Variants in CTNNA3 observed in about 807,000 individuals in gnomAD.
The protein encoded by CTNNA3 is catenin alpha 3, also known as catenin alpha-3.
CTNNA3 carries 76 observed loss-of-function variants against 95.7 expected under a neutral mutation model. That is an observed-to-expected ratio of 0.79 (90% CI 0.66 to 0.96). The LOEUF (loss-of-function observed/expected upper bound fraction) is 0.96. Ranked by LOEUF, CTNNA3 falls within the 40% of genes least tolerant of loss-of-function variation. The pLI is 0.00. For missense variants in CTNNA3, 1,191 were observed against 1,089.8 expected (o/e 1.09, Z -1.31); for synonymous variants, 431 against 374.4 (o/e 1.15, Z -1.74).
intron 12 of CTNNA3, among the ~76,000 whole-genome samples, chr10:66,354,051 G>A (rs2092588134): frequency 6.6e-6 from 1 of 152,130 alleles, no homozygotes; most frequent in East Asian, 1.9e-4. Flanking sequence ...GGGAAGCCAA[G>A]GCAGGCAGAT....
intron 10 of CTNNA3, among the ~76,000 whole-genome samples, chr10:66,600,981 T>C (rs1843901978): frequency 6.6e-6 from 1 of 151,924 alleles, no homozygotes; most frequent in African/African-American, 2.4e-5. Context: ...GTTCAAATCC[T>C]AAAGCATTTT....
chr10:66,269,453 AT>A (rs1315787420), intron 13 of CTNNA3, among the ~76,000 whole-genome samples: 2 of 152,148 alleles, frequency 1.3e-5, no homozygotes, highest in Non-Finnish European at 2.9e-5. Flanking sequence ...TTAATTTTAT[AT>A]TTTTTAGTAA....
At chr10:67,644,524 A>T (rs1277674530) in intron 2 of CTNNA3, among the ~76,000 whole-genome samples, 2 of 152,062 alleles carry the variant, frequency 1.3e-5, no homozygotes, top group African/African-American at 4.8e-5. Context: ...TAATTTAATG[A>T]GATATTTTAT....
At chr10:66,855,519 A>T (rs4378284) in intron 7 of CTNNA3, among the ~76,000 whole-genome samples, 1 of 151,644 alleles carries the variant, frequency 6.6e-6, no homozygotes, top group African/African-American at 2.4e-5. Flanking sequence ...TTTCTCTGTC[A>T]TAGTCTCCTG....
At chr10:66,209,007 C>A (rs113057131) in intron 13 of CTNNA3, among the ~76,000 whole-genome samples, 1 of 152,046 alleles carries the variant, frequency 6.6e-6, no homozygotes, top group South Asian at 2.1e-4. Context: ...GTAAAATATA[C>A]CATGTATAAA....
At chr10:66,615,405 A>T (rs1844476659) in intron 10 of CTNNA3, among the ~76,000 whole-genome samples, 1 of 151,942 alleles carries the variant, frequency 6.6e-6, no homozygotes, top group African/African-American at 2.4e-5. Context: ...AAGTCACCTA[A>T]ATTAGTACTT....
chr10:67,577,853 T>C (rs1842222702), intron 3 of CTNNA3, among the ~76,000 whole-genome samples: 1 of 151,104 alleles, frequency 6.6e-6, no homozygotes, highest in African/African-American at 2.4e-5. Context: ...ATTGGCTTCA[T>C]TTGGGTAGAT....
chr10:66,752,806 A>G (rs761431428), intron 9 of CTNNA3, among the ~76,000 whole-genome samples: 2 of 152,136 alleles, frequency 1.3e-5, no homozygotes, highest in Non-Finnish European at 2.9e-5. Context: ...ATATTCTCAG[A>G]TGACATGATC....
chr10:66,748,006 C>A (rs1022103048), intron 9 of CTNNA3, among the ~76,000 whole-genome samples: 1 of 152,264 alleles, frequency 6.6e-6, no homozygotes, highest in Non-Finnish European at 1.5e-5. Flanking sequence ...GCAGAATTGA[C>A]AGTGACAGTC....
intron 9 of CTNNA3, among the ~76,000 whole-genome samples, chr10:66,680,366 TA>T (rs1381918152): frequency 4.0e-5 from 6 of 151,896 alleles, no homozygotes; most frequent in Non-Finnish European, 5.9e-5. Flanking sequence ...CCATAGTGAA[TA>T]AAAAATAATA....
At chr10:66,375,212 C>T (rs2092786906) in intron 12 of CTNNA3, among the ~76,000 whole-genome samples, 2 of 150,992 alleles carry the variant, frequency 1.3e-5, no homozygotes, top group Non-Finnish European at 2.9e-5. Context: ...GTGGAAGGTG[C>T]CTTTTGGCCC....
chr10:67,443,130 A>AT (rs200623194), intron 5 of CTNNA3, among the ~76,000 whole-genome samples: 2 of 148,534 alleles, frequency 1.3e-5, no homozygotes, highest in Non-Finnish European at 1.5e-5. Flanking sequence ...TGAACTCATC[A>AT]TTTTTTATGG....
At chr10:66,852,975 A>G (rs569861344) in intron 7 of CTNNA3, among the ~76,000 whole-genome samples, 1 of 152,222 alleles carries the variant, frequency 6.6e-6, no homozygotes, top group Non-Finnish European at 1.5e-5. Context: ...AGTTTAAGAC[A>G]GAGGTCAGCC....
intron 11 of CTNNA3, among the ~76,000 whole-genome samples, chr10:66,392,219 A>G (rs79768774): frequency 0.076 from 11,579 of 152,104 alleles, 562 homozygotes; most frequent in East Asian, 0.22. Context: ...TCACAAGGTC[A>G]GGAGTTTGAG....
chr10:67,251,262 T>A (rs1338482025), intron 5 of CTNNA3, among the ~76,000 whole-genome samples: 1 of 152,156 alleles, frequency 6.6e-6, no homozygotes, highest in Non-Finnish European at 1.5e-5. Flanking sequence ...TTAGTTTCTA[T>A]GAAATGTCTC....
intron 7 of CTNNA3, among the ~76,000 whole-genome samples, chr10:67,114,844 T>C (rs561205353): frequency 6.6e-6 from 1 of 151,842 alleles, no homozygotes; most frequent in Non-Finnish European, 1.5e-5. Flanking sequence ...CCTCTTTTTT[T>C]AAAAAAATCT....
At chr10:66,646,326 C>CA (rs564545336) in intron 9 of CTNNA3, among the ~76,000 whole-genome samples, 26 of 152,040 alleles carry the variant, frequency 1.7e-4, no homozygotes, top group African/African-American at 6.0e-4. Context: ...GGGACAGAAA[C>CA]AAAAAATGAG....
At chr10:67,649,809 G>A (rs1303807162) in intron 1 of CTNNA3, among the ~76,000 whole-genome samples, 1 of 152,176 alleles carries the variant, frequency 6.6e-6, no homozygotes, top group African/African-American at 2.4e-5. Context: ...CTACTAGGTT[G>A]TAAGTATTAC....
intron 11 of CTNNA3, among the ~76,000 whole-genome samples, chr10:66,398,626 G>A (rs1273030081): frequency 6.6e-6 from 1 of 151,744 alleles, no homozygotes; most frequent in Admixed American, 6.6e-5. Context: ...AGAAATGAGA[G>A]GTACAGTATG....
Sources: gnomAD v4.1 joint callset for allele counts (sites outside exome capture counted in the v4.1 genomes callset) on GRCh38, gnomAD v4.1.1 for gene constraint, MANE v1.5 for transcripts, NCBI Gene and HGNC (gene_info 2026-07-23, HGNC 2026-07-21) for gene names.